Variants in CLCA2 observed in about 807,000 individuals in gnomAD.
CLCA2 encodes chloride channel accessory 2.
CLCA2 carries 85 observed loss-of-function variants against 82.9 expected under a neutral mutation model. That is an observed-to-expected ratio of 1.03 (90% CI 0.86 to 1.23). The LOEUF is 1.23. CLCA2 is among the 50% of genes most tolerant of loss of function. CLCA2 has a pLI of 0.00. For missense variants in CLCA2, 1,089 were observed against 1,124.8 expected (o/e 0.97, Z 0.45); for synonymous variants, 421 against 391.7 (o/e 1.07, Z -0.88).
intron 9 of CLCA2, 70 bp from the exon 10 acceptor site, chr1:86,443,717 G>T (rs1350635866): frequency 2.5e-5 from 29 of 1,165,746 alleles, no homozygotes; most frequent in Middle Eastern, 2.0e-4. Context: ...ATTGTTGTTT[G>T]TTAAAAAAGA....
intron 11 of CLCA2, among the ~76,000 whole-genome samples, chr1:86,450,250 C>A (rs531277524): frequency 6.6e-5 from 10 of 152,166 alleles, no homozygotes; most frequent in Admixed American, 6.5e-4. Context: ...GAAGAATGTG[C>A]TTGATTTCTA....
intron 2 of CLCA2, among the ~76,000 whole-genome samples, chr1:86,427,982 T>C (rs548024411): frequency 6.6e-6 from 1 of 152,334 alleles, no homozygotes; most frequent in African/African-American, 2.4e-5. Context: ...CACAAAAGGC[T>C]GTAACATTTT....
intron 6 of CLCA2, among the ~76,000 whole-genome samples, chr1:86,435,446 C>T (rs530695512): frequency 6.6e-6 from 1 of 152,162 alleles, no homozygotes; most frequent in African/African-American, 2.4e-5. Flanking sequence ...AGTGAATGTC[C>T]ATTATATGGC....
Position 86,455,602 on chromosome 1 carries a change from C to T in CLCA2, c.*75C>T, listed in dbSNP as rs1570270663. 1.1e-6 allele frequency: 1 copy of T among 931,620 alleles called. No individual in the cohort carries two copies. The highest frequency in any genetic ancestry group is 2.9e-5 in the East Asian group (1 of 34,546). 57.7% of individuals were successfully genotyped at this position (931,620 alleles called of 1,614,324 possible). On this transcript the variant is annotated 3_prime_UTR_variant, in exon 14 of 14. Transcript: ENST00000370565. The stretch of plus-strand genomic sequence containing the variant: ...GACTACAAAAACATACTAACAAAGT[C>T]AAATTAACATCAAAACTGTATTAAA...
intron 6 of CLCA2, among the ~76,000 whole-genome samples, chr1:86,437,973 C>T (rs1662648833): frequency 6.6e-6 from 1 of 152,020 alleles, no homozygotes; most frequent in Admixed American, 6.6e-5. Context: ...CTTGTTTTAC[C>T]CCCTTTACAA....
chr1:86,454,415 A>G (rs1663030990), intron 13 of CLCA2, among the ~76,000 whole-genome samples: 1 of 152,164 alleles, frequency 6.6e-6, no homozygotes, highest in African/African-American at 2.4e-5. Context: ...TAGACTTTAT[A>G]TGCTCATTTT....
intron 11 of CLCA2, among the ~76,000 whole-genome samples, chr1:86,450,306 G>T (rs1458860196): frequency 6.6e-6 from 1 of 152,096 alleles, no homozygotes; most frequent in Non-Finnish European, 1.5e-5. Flanking sequence ...GAATGTTAAA[G>T]GTGATGATTA....
At chr1:86,441,909 T>G (rs575753544) in intron 9 of CLCA2, among the ~76,000 whole-genome samples, 4 of 152,264 alleles carry the variant, frequency 2.6e-5, no homozygotes, top group Admixed American at 6.5e-5. Context: ...TTTTTGCTTC[T>G]TCAACATCTT....
intron 6 of CLCA2, among the ~76,000 whole-genome samples, chr1:86,437,927 C>T (rs1224836263): frequency 2.0e-5 from 3 of 152,074 alleles, no homozygotes; most frequent in Admixed American, 6.6e-5. Flanking sequence ...ACTATGATCA[C>T]ATAATTAGCA....
intron 5 of CLCA2, 144 bp downstream of exon 5, chr1:86,432,672 T>G (rs953118275): frequency 5.2e-6 from 5 of 964,278 alleles, no homozygotes; most frequent in Non-Finnish European, 7.4e-6. Flanking sequence ...ATCTACAGAT[T>G]TAAAAATTGG....
intron 1 of CLCA2, 130 bp from the exon 2 acceptor site, chr1:86,425,209 G>T: frequency 1.9e-6 from 1 of 533,540 alleles, no homozygotes; most frequent in Non-Finnish European, 3.0e-6. Context: ...AAAGTCTAGG[G>T]CTTTCTCTAA....
At chr1:86,444,135 A>C in intron 10 of CLCA2, 124 bp downstream of exon 10, 1 of 660,146 alleles carries the variant, frequency 1.5e-6, no homozygotes, top group Non-Finnish European at 2.6e-6. Flanking sequence ...AGTTTACTTT[A>C]AATTTATGAG....
chr1:86,440,324 A>G lies in CLCA2; in HGVS notation c.1380A>G (p.Thr460=). ...ATCTGGAGGAATTATCACGTCTTACAGGTAATAAACTTTTAAAAACTTATC... is the reference window on the plus strand; with the variant it reads ...ATCTGGAGGAATTATCACGTCTTACGGGTAATAAACTTTTAAAAACTTATC... ...APNLEELSRL[T]GGLKFFVPDI... Residue 460 remains threonine, a splice_region_variant and synonymous_variant, in exon 8 of 14, where the codon ACA becomes ACG. Transcript: ENST00000370565. The G allele has an allele frequency of 3.1e-6, 5 of 1,613,128 alleles. No individual in the cohort carries two copies. Among genetic ancestry groups the G allele is most frequent in the Non-Finnish European group, 4.2e-6 (5 of 1,179,698 alleles).
At chr1:86,443,220 G>T (rs1463842335) in intron 9 of CLCA2, among the ~76,000 whole-genome samples, 1 of 151,944 alleles carries the variant, frequency 6.6e-6, no homozygotes, top group Non-Finnish European at 1.5e-5. Context: ...GTACAGAAAG[G>T]GTTTCACCAT....
chr1:86,432,170 A>C (rs1662514407), intron 4 of CLCA2, among the ~76,000 whole-genome samples, 199 bp from the exon 5 acceptor site: 1 of 152,188 alleles, frequency 6.6e-6, no homozygotes, highest in South Asian at 2.1e-4. Flanking sequence ...TCTTGACCTC[A>C]GGTGATCCAC....
chr1:86,451,619 C>T (rs1662969512), intron 12 of CLCA2, among the ~76,000 whole-genome samples: 2 of 152,134 alleles, frequency 1.3e-5, no homozygotes, highest in South Asian at 4.2e-4. Flanking sequence ...GCTCTTTTTC[C>T]AGCTCCTCCT....
chr1:86,454,707 G>A (rs113282160), intron 13 of CLCA2, among the ~76,000 whole-genome samples: 33 of 152,222 alleles, frequency 2.2e-4, no homozygotes, highest in African/African-American at 6.5e-4. Flanking sequence ...TAGGAGAAGC[G>A]CTTGAACCCG....
intron 8 of CLCA2, 65 bp downstream of exon 8, chr1:86,440,390 A>G (rs995609877): frequency 7.4e-7 from 1 of 1,347,436 alleles, no homozygotes; most frequent in South Asian, 1.4e-5. Context: ...CCAAGACACA[A>G]CTATGAAACT....
At position 86,447,784 on chromosome 1, in the gene CLCA2, A is replaced by T. The variant is rs760761900; in HGVS notation, c.1984+6A>T. ...ACTCCTTGATGATGGAGCAGGTAACAAGGAATGTCATGACATTTTATCATC... is the reference window on the plus strand; with the variant it reads ...ACTCCTTGATGATGGAGCAGGTAACTAGGAATGTCATGACATTTTATCATC... On this transcript the variant is annotated splice_donor_region_variant and intron_variant, in intron 11 of 13. Transcript: ENST00000370565. 2 of 1,609,060 alleles carry T rather than the reference A, an allele frequency of 1.2e-6. No individual in the cohort carries two copies. Among genetic ancestry groups the T allele is most frequent in the Non-Finnish European group, 1.7e-6 (2 of 1,179,170 alleles).
Sources: allele counts gnomAD v4.1 joint callset (sites outside exome capture counted in the v4.1 genomes callset), GRCh38; gene constraint gnomAD v4.1.1; transcripts MANE v1.5; gene names NCBI Gene and HGNC (gene_info 2026-07-23, HGNC 2026-07-21).